SCRN1: variants seen among roughly 807,000 people sequenced by gnomAD.
SCRN1 encodes secernin 1.
Under a neutral mutation model 43.3 loss-of-function variants are expected in SCRN1, and 19 were observed. That is an observed-to-expected ratio of 0.44 (90% CI 0.31 to 0.64). The LOEUF (loss-of-function observed/expected upper bound fraction) is 0.64, where lower values mean the gene tolerates loss of function less well. Ranked by LOEUF, SCRN1 falls within the 30% of genes least tolerant of loss-of-function variation. The pLI is 0.09. For synonymous variants in SCRN1, 183 were observed against 188.9 expected, an observed-to-expected ratio of 0.97 and a Z score of 0.26; for missense variants, 447 against 524.1, an observed-to-expected ratio of 0.85 and a Z score of 1.44.
At chr7:29,969,429 TAATA>T (rs1199538024) in intron 1 of SCRN1, among the ~76,000 whole-genome samples, 1 of 152,136 alleles carries the variant, frequency 6.6e-6, no homozygotes, top group Non-Finnish European at 1.5e-5. Context: ...AGTAATAAAA[TAATA>T]AATAAACATA....
intron 1 of SCRN1, among the ~76,000 whole-genome samples, chr7:29,987,643 G>A (rs1470884495): frequency 6.6e-6 from 1 of 152,218 alleles, no homozygotes; most frequent in Non-Finnish European, 1.5e-5. Flanking sequence ...TGTTGTCATT[G>A]ACTTTAAACA....
intron 6 of SCRN1, among the ~76,000 whole-genome samples, chr7:29,935,094 T>C (rs140088213): frequency 1.2e-3 from 182 of 152,342 alleles, no homozygotes; most frequent in African/African-American, 4.2e-3. Context: ...ACCACTTTCC[T>C]TGTACACACT....
At position 29,969,009 on chromosome 7, in the gene SCRN1, CCATCCTTAG is replaced by C; in HGVS notation, c.50_58del (p.Ala17_Asp19del). On this transcript the variant is annotated inframe_deletion, in exon 2 of 8. Coordinates refer to ENST00000242059, the MANE Select transcript of SCRN1 (RefSeq NM_014766.5). ...TGAATTTTTCCCAAATACCACCAGACCATCCTTAGCACGTGGAGGGAAGGCAACAAAACA... is the reference window on the plus strand; with the variant it reads ...TGAATTTTTCCCAAATACCACCAGACCACGTGGAGGGAAGGCAACAAAACA... 6.2e-7 allele frequency: 1 copy of C among 1,614,094 alleles called. No homozygotes were observed.
intron 5 of SCRN1, among the ~76,000 whole-genome samples, chr7:29,937,011 A>C (rs1787361459): frequency 6.6e-6 from 1 of 152,140 alleles, no homozygotes. Context: ...GCGTCACTGC[A>C]CTCCAGCCTG....
chr7:29,952,694 A>AAGAGAGAG, intron 3 of SCRN1, among the ~76,000 whole-genome samples: 1 of 148,942 alleles, frequency 6.7e-6, no homozygotes, highest in African/African-American at 2.5e-5. Context: ...AAAAAAAAAA[A>AAGAGAGAG]AGAGAGAGAG....
At chr7:29,930,675 T>C (rs1249390723) in intron 6 of SCRN1, among the ~76,000 whole-genome samples, 1 of 152,212 alleles carries the variant, frequency 6.6e-6, no homozygotes, top group African/African-American at 2.4e-5. Context: ...TGATTCTGCC[T>C]CTGTCCTCAG....
At position 29,969,792 on chromosome 7, in the gene SCRN1, C is replaced by T. The variant is rs1196442431; in HGVS notation, c.-1-724G>A. The T allele has an allele frequency of 1.1e-5, 5 of 456,092 alleles. No homozygotes were observed. The Admixed American group carries it at 1.2e-4, about 11-fold the overall frequency. 28.3% of individuals were successfully genotyped at this position (456,092 alleles called of 1,614,324 possible). On this transcript the variant is annotated intron_variant, in intron 1 of 7. Coordinates refer to ENST00000242059, the MANE Select transcript of SCRN1 (RefSeq NM_014766.5). ...TGATGACTTACACATTTAATTCCAG[C>T]TGGGTTCTCACCTTAAGCCTCTGAC...
rs762176018 is a variant in SCRN1, at chr7:29,947,351, TCTC to T, written c.342-3175_342-3173del. 325 of 1,547,690 alleles carry T rather than the reference TCTC, an allele frequency of 2.1e-4. 1 individual carries two copies. The highest frequency in any genetic ancestry group is 1.1e-3 in the African/African-American group (77 of 72,958). On this transcript the variant is annotated intron_variant, in intron 3 of 7. Coordinates refer to ENST00000242059, the MANE Select transcript of SCRN1 (RefSeq NM_014766.5). ...GAGAAAGATGGGTCACACCTGTACT[TCTC>T]CTGCTTAAAGCCCGTTTGTTTAGAA...
intron 3 of SCRN1, among the ~76,000 whole-genome samples, chr7:29,944,528 C>T (rs962252794): frequency 6.6e-6 from 1 of 151,772 alleles, no homozygotes; most frequent in Non-Finnish European, 1.5e-5. Flanking sequence ...CCAGGCATGG[C>T]GGGACACACT....
rs775045104 is a variant in SCRN1, at chr7:29,940,751, C to T, written c.670G>A (p.Glu224Lys). The change falls in exon 5 of 8, where the codon GAA becomes AAA. Residue 224 changes from glutamate to lysine, a missense_variant. Glu to Lys is a moderately conservative substitution (Grantham distance 56, BLOSUM62 1). Transcript: ENST00000242059. Reference protein sequence around the residue: ...WTGEGEFNFSEVFSPVEDHLD... With the variant: ...WTGEGEFNFSKVFSPVEDHLD... Reference sequence around the variant, plus strand: ...TGATCCTCAACTGGAGAAAAGACTTCGGAAAAATTGAACTCGCCCTCTCCC... The same window carrying T: ...TGATCCTCAACTGGAGAAAAGACTTTGGAAAAATTGAACTCGCCCTCTCCC... 15 of 1,608,340 alleles carry T rather than the reference C, an allele frequency of 9.3e-6. No individual in the cohort carries two copies. Among genetic ancestry groups the T allele is most frequent in the Admixed American group, 5.2e-5 (3 of 58,132 alleles).
rs1278236960 is a variant in SCRN1 at position 29,960,089 on chromosome 7, ATGACTTGTACTTTCCTATTG to A, written c.160-4749_160-4730del. On this transcript the variant is annotated intron_variant, in intron 2 of 7. Transcript: ENST00000242059. ...TTGCTCAGCTCTCTCTGATTCCAGAATGACTTGTACTTTCCTATTGTAAGAAATAACTTTCAGAATTAAAA... is the reference window on the plus strand; with the variant it reads ...TTGCTCAGCTCTCTCTGATTCCAGAATAAGAAATAACTTTCAGAATTAAAA... Among the ~76,000 whole-genome samples the A allele has an allele frequency of 6.6e-5, 10 of 152,046 alleles. No individual in the cohort carries two copies. In the East Asian group the frequency reaches 1.9e-3, roughly 29 times the overall value.
intron 6 of SCRN1, among the ~76,000 whole-genome samples, chr7:29,932,004 T>C (rs1370766142): frequency 2.0e-5 from 3 of 152,168 alleles, no homozygotes; most frequent in African/African-American, 7.2e-5. Flanking sequence ...AAAAAAACTT[T>C]TAAAGTCATA....
At chr7:29,962,608 A>G (rs1358418631) in intron 2 of SCRN1, among the ~76,000 whole-genome samples, 2 of 152,106 alleles carry the variant, frequency 1.3e-5, no homozygotes, top group African/African-American at 4.8e-5. Flanking sequence ...GAATTGCTTG[A>G]ACCCAGGAGG....
intron 1 of SCRN1, among the ~76,000 whole-genome samples, chr7:29,971,958 G>A (rs1312838583): frequency 6.6e-6 from 1 of 152,176 alleles, no homozygotes; most frequent in African/African-American, 2.4e-5. Flanking sequence ...TTCTAGCTCA[G>A]TAGAACATCA....
chr7:29,963,562 G>A (rs1240539328), intron 2 of SCRN1, among the ~76,000 whole-genome samples: 1 of 152,202 alleles, frequency 6.6e-6, no homozygotes, highest in African/African-American at 2.4e-5. Context: ...GAATAGAAAA[G>A]TAAGCAGGAA....
chr7:29,975,309 A>G (rs1486593012), intron 1 of SCRN1, among the ~76,000 whole-genome samples: 1 of 152,216 alleles, frequency 6.6e-6, no homozygotes, highest in Non-Finnish European at 1.5e-5. Context: ...ATAAAGCTAT[A>G]ATTGATGGCT....
At position 29,969,331 on chromosome 7, in the gene SCRN1, A is replaced by G. The variant is rs1788596273; in HGVS notation, c.-1-263T>C. 6.4e-6 allele frequency: 3 copies of G among 471,280 alleles called. No homozygotes were observed. In the South Asian group the frequency reaches 8.0e-5, roughly 13 times the overall value. The allele number at this position is 471,280 out of a possible 1,614,324, so 29.2% of individuals were successfully genotyped here. A position where few individuals can be genotyped will look rare whatever the true frequency, so the allele number is the denominator to read the frequency against. On this transcript the variant is annotated intron_variant, in intron 1 of 7. Transcript: ENST00000242059. ...AAACCACAGCGGCAGCCAAAAGTGC[A>G]GTGATGTGGGAGAAAGGAAAGGAGG... is the stretch of plus-strand genomic sequence containing the variant.
Position 29,936,606 on chromosome 7 carries a change from A to T in SCRN1, c.855T>A (p.Asn285Lys), listed in dbSNP as rs200381115. 1.2e-6 allele frequency: 2 copies of T among 1,606,208 alleles called. No individual in the cohort carries two copies. Among genetic ancestry groups the T allele is most frequent in the Admixed American group, 1.7e-5 (1 of 59,854 alleles). Residue 285 changes from asparagine to lysine, a missense_variant, in exon 6 of 8, where the codon AAT becomes AAA. Transcript: ENST00000242059. ...TASGVSVLPQ[N>K]RSSPCIHYFT... ...AGTAGTGAATGCACGGAGAGCTTCT[A>T]TTCTGCGGCAGGACAGACACTCCAC...
intron 5 of SCRN1, among the ~76,000 whole-genome samples, chr7:29,937,255 G>A (rs1015060308): frequency 1.3e-5 from 2 of 152,294 alleles, no homozygotes; most frequent in Admixed American, 1.3e-4. Flanking sequence ...CAGGAGGTAA[G>A]CAGAAACAAT....
Sources: gnomAD v4.1 joint callset for allele counts (sites outside exome capture counted in the v4.1 genomes callset) on GRCh38, gnomAD v4.1.1 for gene constraint, MANE v1.5 for transcripts, NCBI Gene and HGNC (gene_info 2026-07-23, HGNC 2026-07-21) for gene names.